The following MEI4 variants were observed in gnomAD, a reference collection of about 807,000 sequenced individuals.
The protein encoded by MEI4 is meiosis-specific protein MEI4.
Under a neutral mutation model 31.4 loss-of-function variants are expected in MEI4, and 27 were observed. That is an observed-to-expected ratio of 0.86 (90% CI 0.63 to 1.19). The LOEUF (loss-of-function observed/expected upper bound fraction) is 1.19, where lower values mean the gene tolerates loss of function less well. Ranked by LOEUF, MEI4 falls within the 50% of genes most tolerant of loss-of-function variation. The pLI is 0.00. For missense variants in MEI4, 329 were observed against 398.9 expected (o/e 0.82, Z 1.49); for synonymous variants, 122 against 145.4 (o/e 0.84, Z 1.16).
rs114613755 is a variant in MEI4 at position 77,702,908 on chromosome 6, A to G, written c.232+12005A>G. On this transcript the variant is annotated intron_variant, in intron 2 of 4. Coordinates refer to ENST00000684080, the MANE Select transcript of MEI4 (RefSeq NM_001322247.2). Reference sequence around the variant, plus strand: ...CCCCCTCCTTTTGGTCTGGCTGTGTACTATTCTTTCTTTTGTCATGCAGTT... The same window carrying G: ...CCCCCTCCTTTTGGTCTGGCTGTGTGCTATTCTTTCTTTTGTCATGCAGTT... 6.9e-3 allele frequency among the ~76,000 whole-genome samples: 1,057 copies of G among 152,130 alleles called. 13 individuals carry two copies. Among genetic ancestry groups the G allele is most frequent in the African/African-American group, 0.024 (997 of 41,482 alleles).
intron 3 of MEI4, among the ~76,000 whole-genome samples, chr6:77,770,735 A>C (rs1768290945): frequency 6.6e-6 from 1 of 152,178 alleles, no homozygotes; most frequent in Non-Finnish European, 1.5e-5. Flanking sequence ...AGTAGACATA[A>C]ACAAGCAATG....
At chr6:77,762,203 G>A (rs1483050) in intron 3 of MEI4, among the ~76,000 whole-genome samples, 1 of 151,980 alleles carries the variant, frequency 6.6e-6, no homozygotes, top group East Asian at 1.9e-4. Context: ...CTCTGCAGAT[G>A]TAGGTGAATT....
At chr6:77,922,178 T>G (rs1766718341) in intron 4 of MEI4, among the ~76,000 whole-genome samples, 1 of 151,786 alleles carries the variant, frequency 6.6e-6, no homozygotes, top group African/African-American at 2.4e-5. Context: ...TAAAAGAATG[T>G]TCTTTCATTT....
chr6:77,749,935 A>G (rs1401316634), intron 2 of MEI4, among the ~76,000 whole-genome samples: 2 of 152,194 alleles, frequency 1.3e-5, no homozygotes, highest in Non-Finnish European at 2.9e-5. Flanking sequence ...CAGAAATCCT[A>G]CAAGCCAGAA....
chr6:77,735,816 T>C lies in MEI4; in HGVS notation c.233-25314T>C, dbSNP rs1020644545. On this transcript the variant is annotated intron_variant, in intron 2 of 4. Transcript: ENST00000684080. Reference sequence around the variant, plus strand: ...GTGACGTACAGATGGGTTTTTGGTGTGGATGTACTTTCTGTTTATTAGTTT... The same window carrying C: ...GTGACGTACAGATGGGTTTTTGGTGCGGATGTACTTTCTGTTTATTAGTTT... Among the ~76,000 whole-genome samples, 25 of 152,072 alleles carry C rather than the reference T, an allele frequency of 1.6e-4. 1 individual carries two copies. Among genetic ancestry groups the C allele is most frequent in the African/African-American group, 5.8e-4 (24 of 41,322 alleles).
intron 2 of MEI4, among the ~76,000 whole-genome samples, chr6:77,696,980 T>C (rs1380815697): frequency 1.3e-5 from 2 of 152,090 alleles, no homozygotes; most frequent in Non-Finnish European, 2.9e-5. Flanking sequence ...CAACTTCTTC[T>C]TGGTTTAGTC....
chr6:77,876,177 C>T lies in MEI4; in HGVS notation c.901-46912C>T, dbSNP rs77700380. ...ATAGATTTTCATATCTATATGAAAA[C>T]GCAGAATTATACTAATGCTATGGTT... is the stretch of plus-strand genomic sequence containing the variant. On this transcript the variant is annotated intron_variant, in intron 4 of 4. Transcript: ENST00000684080. 7.2e-5 allele frequency among the ~76,000 whole-genome samples: 11 copies of T among 152,082 alleles called. No homozygotes were observed. The East Asian group carries it at 1.2e-3, about 16-fold the overall frequency.
intron 4 of MEI4, among the ~76,000 whole-genome samples, chr6:77,838,494 T>C (rs1237024374): frequency 6.6e-6 from 1 of 152,204 alleles, no homozygotes. Flanking sequence ...AGCTTTAAAC[T>C]CTGTAAACTC....
intron 3 of MEI4, among the ~76,000 whole-genome samples, chr6:77,789,670 G>A (rs1020793517): frequency 6.6e-6 from 1 of 152,134 alleles, no homozygotes; most frequent in Non-Finnish European, 1.5e-5. Flanking sequence ...TTCATCACTG[G>A]CCATCAGAGA....
intron 1 of MEI4, among the ~76,000 whole-genome samples, chr6:77,657,383 A>G (rs1365905802): frequency 6.6e-6 from 1 of 152,182 alleles, no homozygotes; most frequent in Admixed American, 6.5e-5. Flanking sequence ...TCATTGACCT[A>G]GGATTGGAAT....
intron 1 of MEI4, among the ~76,000 whole-genome samples, chr6:77,683,714 A>T (rs1769000501): frequency 6.6e-6 from 1 of 152,192 alleles, no homozygotes; most frequent in Admixed American, 6.5e-5. Flanking sequence ...TTAATGCTGA[A>T]ATGACAAAAT....
chr6:77,702,094 T>A (rs1440433013), intron 2 of MEI4, among the ~76,000 whole-genome samples: 1 of 152,162 alleles, frequency 6.6e-6, no homozygotes, highest in African/African-American at 2.4e-5. Context: ...GCTAGACTAG[T>A]GGTGACAAGA....
At chr6:77,793,941 A>G (rs1196013771) in intron 3 of MEI4, among the ~76,000 whole-genome samples, 1 of 152,216 alleles carries the variant, frequency 6.6e-6, no homozygotes, top group African/African-American at 2.4e-5. Flanking sequence ...CTTACCTGTC[A>G]ATAATTCCTT....
At chr6:77,686,875 C>CTTT (rs70974681) in intron 1 of MEI4, among the ~76,000 whole-genome samples, 1 of 132,488 alleles carries the variant, frequency 7.5e-6, no homozygotes, top group Non-Finnish European at 1.6e-5. Flanking sequence ...GTCTGTGGCT[C>CTTT]TTTTTTTTTG....
chr6:77,845,884 GTTT>G (rs11294532), intron 4 of MEI4, among the ~76,000 whole-genome samples: 14 of 143,436 alleles, frequency 9.8e-5, no homozygotes, highest in Middle Eastern at 3.7e-3. Flanking sequence ...CAGAAGTCTT[GTTT>G]TTTTTTTTTT....
Position 77,709,410 on chromosome 6 carries a change from A to G in MEI4, c.232+18507A>G, listed in dbSNP as rs151047599. On this transcript the variant is annotated intron_variant, in intron 2 of 4. Transcript: ENST00000684080. ...GTTTCTGGGCTTGATATTTAAAATG[A>G]TCATCTCTGACTATGCTTGTAAATA... Among the ~76,000 whole-genome samples, 213 of 152,314 alleles carry G rather than the reference A, an allele frequency of 1.4e-3. 1 individual carries two copies. The highest frequency in any genetic ancestry group is 4.5e-3 in the African/African-American group (187 of 41,570).
At chr6:77,727,263 G>A (rs9359283) in intron 2 of MEI4, among the ~76,000 whole-genome samples, 20,434 of 152,160 alleles carry the variant, frequency 0.13, 1,462 homozygotes, top group Middle Eastern at 0.21. Context: ...AAAGGCACTA[G>A]TAGGATGACT....
chr6:77,790,693 A>G (rs1561989537), intron 3 of MEI4, among the ~76,000 whole-genome samples: 1 of 152,198 alleles, frequency 6.6e-6, no homozygotes, highest in East Asian at 1.9e-4. Flanking sequence ...TTTGAGACTC[A>G]TGATCATACT....
chr6:77,747,137 C>T (rs1767631515), intron 2 of MEI4, among the ~76,000 whole-genome samples: 1 of 151,908 alleles, frequency 6.6e-6, no homozygotes, highest in Admixed American at 6.6e-5. Context: ...CATGGTGAAA[C>T]CTCATCTCTA....
Sources: gnomAD v4.1 joint callset for allele counts (sites outside exome capture counted in the v4.1 genomes callset) on GRCh38, gnomAD v4.1.1 for gene constraint, MANE v1.5 for transcripts, NCBI Gene and HGNC (gene_info 2026-07-23, HGNC 2026-07-21) for gene names.